Variants in MDGA2 observed in about 807,000 individuals in gnomAD.
The protein encoded by MDGA2 is MAM domain-containing glycosylphosphatidylinositol anchor protein 2.
Under a neutral mutation model 117.8 loss-of-function variants are expected in MDGA2, and 40 were observed. The ratio of observed to expected loss-of-function variants is 0.34; its 90% CI spans 0.26 to 0.44. The LOEUF (loss-of-function observed/expected upper bound fraction) is 0.44, where lower values mean the gene tolerates loss of function less well. MDGA2 is among the 20% of genes least tolerant of loss of function. The probability of loss-of-function intolerance (pLI) is 1.00; values close to 1 mark genes in which losing one functional copy is unlikely to be tolerated. For missense variants in MDGA2, 1,123 were observed against 1,250.6 expected, an observed-to-expected ratio of 0.90 and a Z score of 1.54; for synonymous variants, 452 against 439.0, an observed-to-expected ratio of 1.03 and a Z score of -0.37.
intron 1 of MDGA2, among the ~76,000 whole-genome samples, chr14:47,427,384 T>C (rs1892712601): frequency 6.6e-6 from 1 of 152,154 alleles, no homozygotes; most frequent in South Asian, 2.1e-4. Context: ...AGGATGGCTA[T>C]GATCTTCAAA....
intron 1 of MDGA2, among the ~76,000 whole-genome samples, chr14:47,447,306 C>T (rs1893144646): frequency 6.6e-6 from 1 of 152,144 alleles, no homozygotes; most frequent in Non-Finnish European, 1.5e-5. Context: ...TCACGCCTAT[C>T]CCAATGCCTC....
chr14:47,183,614 C>T (rs538755947), intron 3 of MDGA2, among the ~76,000 whole-genome samples: 1 of 152,058 alleles, frequency 6.6e-6, no homozygotes, highest in East Asian at 1.9e-4. Context: ...ATAGCAAACA[C>T]TGCAACAATA....
intron 2 of MDGA2, among the ~76,000 whole-genome samples, chr14:47,247,889 G>A (rs1401148574): frequency 6.6e-6 from 1 of 151,360 alleles, no homozygotes; most frequent in Non-Finnish European, 1.5e-5. Flanking sequence ...GTGAGAACAT[G>A]TAGTGTTTGG....
At chr14:47,637,854 C>G (rs1041513962) in intron 1 of MDGA2, among the ~76,000 whole-genome samples, 1 of 152,182 alleles carries the variant, frequency 6.6e-6, no homozygotes, top group African/African-American at 2.4e-5. Flanking sequence ...TTGCACAGCT[C>G]TGTTCCTACA....
intron 2 of MDGA2, among the ~76,000 whole-genome samples, chr14:47,237,373 T>A (rs1327849018): frequency 1.3e-5 from 2 of 152,164 alleles, no homozygotes; most frequent in Non-Finnish European, 2.9e-5. Context: ...AATGCAAACT[T>A]ACCTTTATAC....
At chr14:47,097,983 A>AT (rs573979254) in intron 5 of MDGA2, among the ~76,000 whole-genome samples, 21 of 151,820 alleles carry the variant, frequency 1.4e-4, no homozygotes, top group African/African-American at 2.2e-4. Flanking sequence ...CATATAGCAC[A>AT]TTTTTTTTCT....
intron 3 of MDGA2, among the ~76,000 whole-genome samples, chr14:47,165,913 A>C (rs1333386564): frequency 3.3e-5 from 5 of 152,178 alleles, no homozygotes; most frequent in Admixed American, 3.3e-4. Context: ...CTTGATTTGC[A>C]TAAATAAAAA....
chr14:47,175,874 A>G (rs898491714), intron 3 of MDGA2, among the ~76,000 whole-genome samples: 19 of 152,100 alleles, frequency 1.2e-4, no homozygotes, highest in African/African-American at 3.6e-4. Flanking sequence ...CTGTTTGCAG[A>G]CGACATGATT....
chr14:47,176,409 G>C (rs1884451270), intron 3 of MDGA2, among the ~76,000 whole-genome samples: 2 of 152,052 alleles, frequency 1.3e-5, no homozygotes, highest in Non-Finnish European at 2.9e-5. Flanking sequence ...TATACTACAA[G>C]GCTACAGTAA....
intron 6 of MDGA2, among the ~76,000 whole-genome samples, chr14:47,067,631 A>C (rs1455441747): frequency 6.6e-6 from 1 of 152,208 alleles, no homozygotes; most frequent in Non-Finnish European, 1.5e-5. Context: ...AAACAAAATT[A>C]ACTTACCAGT....
intron 1 of MDGA2, among the ~76,000 whole-genome samples, chr14:47,457,071 G>A (rs1305943118): frequency 2.0e-5 from 3 of 152,178 alleles, no homozygotes; most frequent in African/African-American, 4.8e-5. Flanking sequence ...AAGCACATAT[G>A]AGCCAACACA....
chr14:47,659,946 T>C (rs2138288858), intron 1 of MDGA2, among the ~76,000 whole-genome samples: 1 of 152,252 alleles, frequency 6.6e-6, no homozygotes, highest in African/African-American at 2.4e-5. Context: ...ATTTCCAGTG[T>C]GCAAAAAGTC....
At chr14:46,997,963 C>G (rs1231811171) in intron 8 of MDGA2, among the ~76,000 whole-genome samples, 2 of 151,792 alleles carry the variant, frequency 1.3e-5, no homozygotes, top group African/African-American at 4.8e-5. Flanking sequence ...AGTTTAAAGG[C>G]CAATGGTGAT....
Position 47,580,327 on chromosome 14 carries a change from G to C in MDGA2, c.280+94190C>G, listed in dbSNP as rs1896206761. Among the ~76,000 whole-genome samples the C allele has an allele frequency of 2.0e-5, 3 of 151,984 alleles. 1 individual carries two copies. In the South Asian group the frequency reaches 6.2e-4, roughly 31 times the overall value. ...CCTCATGTGGTGAAGGAGCAAAGAA[G>C]CTCCCTCACACCTCTTTTATAAAGC... On this transcript the variant is annotated intron_variant, in intron 1 of 16. Transcript: ENST00000399232.
At chr14:47,105,155 G>A (rs1880578176) in intron 5 of MDGA2, among the ~76,000 whole-genome samples, 1 of 152,016 alleles carries the variant, frequency 6.6e-6, no homozygotes, top group Non-Finnish European at 1.5e-5. Flanking sequence ...CTTTCCTGGG[G>A]CAGGGGCAAG....
At chr14:47,067,069 C>A (rs546149147) in intron 6 of MDGA2, among the ~76,000 whole-genome samples, 1 of 152,302 alleles carries the variant, frequency 6.6e-6, no homozygotes, top group Admixed American at 6.5e-5. Flanking sequence ...GAGCCAAGAT[C>A]AGGCCACTGC....
intron 3 of MDGA2, among the ~76,000 whole-genome samples, chr14:47,173,171 G>C (rs1462568268): frequency 6.6e-6 from 1 of 152,230 alleles, no homozygotes; most frequent in African/African-American, 2.4e-5. Flanking sequence ...ATCTACGTCT[G>C]ATTGGTGTAC....
At chr14:46,938,570 T>C (rs910067100) in intron 9 of MDGA2, among the ~76,000 whole-genome samples, 4 of 76,504 alleles carry the variant, frequency 5.2e-5, no homozygotes, top group Admixed American at 1.4e-4. Context: ...AGAGACATCA[T>C]CTGACCCCAA....
At chr14:47,584,632 C>A (rs1355987338) in intron 1 of MDGA2, among the ~76,000 whole-genome samples, 1 of 151,790 alleles carries the variant, frequency 6.6e-6, no homozygotes. Flanking sequence ...TCTCCTAAAT[C>A]TCCCCTATTG....
Sources: allele counts gnomAD v4.1 joint callset (sites outside exome capture counted in the v4.1 genomes callset), GRCh38; gene constraint gnomAD v4.1.1; transcripts MANE v1.5; gene names NCBI Gene and HGNC (gene_info 2026-07-23, HGNC 2026-07-21).